Variants in SPAG16 observed in about 807,000 individuals in gnomAD.
SPAG16 encodes the protein sperm-associated antigen 16 protein.
SPAG16 carries 86 observed loss-of-function variants against 80.4 expected under a neutral mutation model. The observed-to-expected ratio is 1.07, with a 90% CI of 0.90 to 1.28. The LOEUF (loss-of-function observed/expected upper bound fraction) is 1.28. Ranked by LOEUF, SPAG16 falls within the 50% of genes most tolerant of loss-of-function variation. The probability of loss-of-function intolerance (pLI) is 0.00; values close to 1 mark genes in which losing one functional copy is unlikely to be tolerated. For synonymous variants in SPAG16, 294 were observed against 265.9 expected (o/e 1.11, Z -1.03); for missense variants, 870 against 765.3 (o/e 1.14, Z -1.61).
At chr2:213,871,574 G>T (rs548983989) in intron 11 of SPAG16, among the ~76,000 whole-genome samples, 2 of 152,028 alleles carry the variant, frequency 1.3e-5, no homozygotes, top group African/African-American at 4.8e-5. Context: ...CTTGAGAAGG[G>T]TCTAATCTCT....
At chr2:213,623,325 A>G (rs2061850936) in intron 10 of SPAG16, among the ~76,000 whole-genome samples, 1 of 152,116 alleles carries the variant, frequency 6.6e-6, no homozygotes, top group Non-Finnish European at 1.5e-5. Flanking sequence ...ATCGAAGGTA[A>G]AATTATGTTT....
In SPAG16 at chr2:213,941,026, T is replaced by C. The variant is rs73072936; in HGVS notation, c.1400+10881T>C. ...CCTAAATTGAAAATGATTGTTCACC[T>C]TCTCTTGAGGCCATTGGGATTAATC... On this transcript the variant is annotated intron_variant, in intron 12 of 15. Transcript: ENST00000331683. Among the ~76,000 whole-genome samples, 655 of 152,294 alleles carry C rather than the reference T, an allele frequency of 4.3e-3. 5 individuals are homozygous for C. The highest frequency in any genetic ancestry group is 0.015 in the African/African-American group (631 of 41,578).
At chr2:213,614,910 G>A (rs1036788974) in intron 10 of SPAG16, among the ~76,000 whole-genome samples, 21 of 152,176 alleles carry the variant, frequency 1.4e-4, no homozygotes, top group Admixed American at 5.2e-4. Flanking sequence ...ATGGGGTAGA[G>A]GTTAAAAGGA....
chr2:213,664,372 C>T (rs991613099), intron 10 of SPAG16, among the ~76,000 whole-genome samples: 1 of 152,034 alleles, frequency 6.6e-6, no homozygotes, highest in Non-Finnish European at 1.5e-5. Flanking sequence ...TTTTCTACCA[C>T]ACATGGAATA....
At chr2:213,912,985 C>T (rs1485626354) in intron 11 of SPAG16, among the ~76,000 whole-genome samples, 1 of 152,104 alleles carries the variant, frequency 6.6e-6, no homozygotes. Context: ...TACTTAGCAC[C>T]TAGAGACAAT....
At chr2:213,756,296 C>T (rs1179684554) in intron 10 of SPAG16, among the ~76,000 whole-genome samples, 4 of 152,208 alleles carry the variant, frequency 2.6e-5, no homozygotes, top group South Asian at 2.1e-4. Flanking sequence ...GCCTGGCCAA[C>T]GTGGTAAAAC....
At chr2:214,009,818 A>G (rs1235634992) in intron 12 of SPAG16, among the ~76,000 whole-genome samples, 6 of 152,308 alleles carry the variant, frequency 3.9e-5, no homozygotes, top group African/African-American at 1.4e-4. Flanking sequence ...CCTTCTGCCA[A>G]TTAATTTTCC....
chr2:213,606,315 G>C (rs531484360), intron 10 of SPAG16, among the ~76,000 whole-genome samples: 1 of 152,104 alleles, frequency 6.6e-6, no homozygotes, highest in African/African-American at 2.4e-5. Flanking sequence ...ACATGTTCAG[G>C]CATATTATAT....
At chr2:214,050,768 C>T (rs1001042967) in intron 13 of SPAG16, among the ~76,000 whole-genome samples, 1 of 152,090 alleles carries the variant, frequency 6.6e-6, no homozygotes, top group African/African-American at 2.4e-5. Flanking sequence ...CTTTTTCTCC[C>T]TCTCTGTCAC....
intron 9 of SPAG16, among the ~76,000 whole-genome samples, chr2:213,486,442 G>T (rs80012031): frequency 0.092 from 13,913 of 152,040 alleles, 1,677 homozygotes; most frequent in African/African-American, 0.27. Flanking sequence ...TGCCCATGAA[G>T]GGGTGAGTGA....
intron 15 of SPAG16, among the ~76,000 whole-genome samples, chr2:214,363,046 A>C (rs893596033): frequency 9.9e-5 from 15 of 151,846 alleles, no homozygotes; most frequent in Non-Finnish European, 1.3e-4. Context: ...CTGCAGGGTC[A>C]GGTTCATCAT....
chr2:213,895,575 A>G (rs2076962400), intron 11 of SPAG16, among the ~76,000 whole-genome samples: 1 of 152,196 alleles, frequency 6.6e-6, no homozygotes, highest in East Asian at 1.9e-4. Flanking sequence ...AACCAATGGA[A>G]CAGAATAGAA....
At chr2:213,972,043 G>T (rs1362516094) in intron 12 of SPAG16, among the ~76,000 whole-genome samples, 1 of 151,500 alleles carries the variant, frequency 6.6e-6, no homozygotes, top group African/African-American at 2.4e-5. Flanking sequence ...TCACATTAGG[G>T]TAAATGGGCT....
intron 10 of SPAG16, among the ~76,000 whole-genome samples, chr2:213,787,782 A>T (rs956638396): frequency 6.6e-6 from 1 of 152,078 alleles, no homozygotes; most frequent in Non-Finnish European, 1.5e-5. Context: ...AGTTGATACA[A>T]CAATTTTTGG....
intron 9 of SPAG16, among the ~76,000 whole-genome samples, chr2:213,488,873 T>C (rs1432055337): frequency 6.7e-6 from 1 of 148,286 alleles, no homozygotes; most frequent in Non-Finnish European, 1.5e-5. Context: ...GGTAGGGAGT[T>C]TGAGACCAGC....
At chr2:213,952,721 G>T (rs72950740) in intron 12 of SPAG16, among the ~76,000 whole-genome samples, 21,938 of 151,952 alleles carry the variant, frequency 0.14, 1,991 homozygotes, top group Non-Finnish European at 0.21. Flanking sequence ...CGTGGATGGA[G>T]GGCTAAGAAA....
chr2:213,761,162 A>G (rs1055663844), intron 10 of SPAG16, among the ~76,000 whole-genome samples: 6 of 152,212 alleles, frequency 3.9e-5, no homozygotes, highest in African/African-American at 1.2e-4. Flanking sequence ...TTTAAACAAT[A>G]CACTCTTAAA....
rs976808188 is a variant in SPAG16 at position 213,964,256 on chromosome 2, A to T, written c.1400+34111A>T. On this transcript the variant is annotated intron_variant, in intron 12 of 15. Coordinates refer to ENST00000331683, the MANE Select transcript of SPAG16 (RefSeq NM_024532.5). ...TATATAGTTGCTTTCTATGTCAGGTAAGAGATGAAAGGACAATAAATATGC... is the reference window on the plus strand; with the variant it reads ...TATATAGTTGCTTTCTATGTCAGGTTAGAGATGAAAGGACAATAAATATGC... 3.3e-5 allele frequency among the ~76,000 whole-genome samples: 5 copies of T among 152,158 alleles called. No homozygotes were observed. In the East Asian group the frequency reaches 9.6e-4, roughly 29 times the overall value.
chr2:213,612,931 C>T (rs973942248), intron 10 of SPAG16, among the ~76,000 whole-genome samples: 11 of 152,180 alleles, frequency 7.2e-5, no homozygotes, highest in African/African-American at 1.2e-4. Flanking sequence ...CCTTGACCTC[C>T]CAAAGTGCTG....
Sources: allele counts gnomAD v4.1 joint callset (sites outside exome capture counted in the v4.1 genomes callset), GRCh38; gene constraint gnomAD v4.1.1; transcripts MANE v1.5; gene names NCBI Gene and HGNC (gene_info 2026-07-23, HGNC 2026-07-21).